VCPKMT: variants seen among roughly 807,000 people sequenced by gnomAD.
VCPKMT encodes protein N-lysine methyltransferase METTL21D.
Under a neutral mutation model 28.6 loss-of-function variants are expected in VCPKMT, and 32 were observed. That is an observed-to-expected ratio of 1.12 (90% CI 0.84 to 1.50). VCPKMT has a LOEUF of 1.50. Among genes scored for constraint, VCPKMT ranks in the 40% most tolerant of loss-of-function variants. VCPKMT has a pLI of 0.00. For synonymous variants in VCPKMT, 138 were observed against 111.4 expected (o/e 1.24, Z -1.50); for missense variants, 366 against 285.0 (o/e 1.28, Z -2.05).
At chr14:50,114,255 T>C (rs1882937525) in intron 4 of VCPKMT, 30 bp downstream of exon 4, 1 of 1,502,786 alleles carries the variant, frequency 6.7e-7, no homozygotes, top group Non-Finnish European at 8.9e-7. Context: ...GGGAAATCAC[T>C]ACAAAGATAA....
downstream of VCPKMT, among the ~76,000 whole-genome samples, chr14:50,107,587 G>A (rs563932184): frequency 1.3e-5 from 2 of 152,258 alleles, no homozygotes; most frequent in South Asian, 4.1e-4. Flanking sequence ...GTGAGCCACC[G>A]CGCGTGGGGC....
chr14:50,115,846 T>A lies in VCPKMT; in HGVS notation c.443A>T (p.Tyr148Phe), dbSNP rs1379698730. 2 of 1,609,814 alleles carry A rather than the reference T, an allele frequency of 1.2e-6. No individual in the cohort carries two copies. Among genetic ancestry groups the A allele is most frequent in the Admixed American group, 3.3e-5 (2 of 59,954 alleles). The stretch of plus-strand genomic sequence containing the variant: ...CGCTCACTGGATACTTACCTCTTCA[T>A]AGTATATGCAGTCGGCCATCAGTAT... ...DFILMADCIY[Y>F]EESLEPLLKT... is the part of the protein sequence containing the mutation. The change falls in exon 3 of 6, where the codon TAT becomes TTT. Residue 148 changes from tyrosine to phenylalanine, a missense_variant. Coordinates refer to ENST00000395860, the MANE Select transcript of VCPKMT (RefSeq NM_024558.3).
At chr14:50,114,437 A>G (rs748847931) in intron 3 of VCPKMT, 33 bp from the exon 4 acceptor site, 2 of 1,392,974 alleles carry the variant, frequency 1.4e-6, no homozygotes, top group South Asian at 3.4e-5. Context: ...TTTGTTTTTG[A>G]TTTAAAAATT....
At chr14:50,111,360 G>T in intron 5 of VCPKMT, 1 of 985,320 alleles carries the variant, frequency 1.0e-6, no homozygotes, top group Non-Finnish European at 1.2e-6. Flanking sequence ...TAATCCCGCT[G>T]CTGCCTTTTT....
chr14:50,108,826 T>G lies in VCPKMT; in HGVS notation c.*873A>C. 1.0e-6 allele frequency: 1 copy of G among 985,486 alleles called. No homozygotes were observed. Among genetic ancestry groups the G allele is most frequent in the Non-Finnish European group, 1.2e-6 (1 of 829,898 alleles). 61.0% of individuals were successfully genotyped at this position (985,486 alleles called of 1,614,324 possible). A position where few individuals can be genotyped will look rare whatever the true frequency, so the allele number is the denominator to read the frequency against. ...ACACAGAACAGAAATTCATTTGGTA[T>G]ATACATATAGAACTACATTTGTAGT... On this transcript the variant is annotated 3_prime_UTR_variant, in exon 6 of 6. Coordinates refer to ENST00000395860, the MANE Select transcript of VCPKMT (RefSeq NM_024558.3).
At chr14:50,113,800 G>GT (rs1274845523) in intron 4 of VCPKMT, among the ~76,000 whole-genome samples, 1 of 88,422 alleles carries the variant, frequency 1.1e-5, no homozygotes, top group Non-Finnish European at 2.5e-5. Context: ...GGGGCGGGGG[G>GT]GGGGGGGGGT....
intron 5 of VCPKMT, among the ~76,000 whole-genome samples, chr14:50,112,395 G>GAAAAA (rs59968443): frequency 2.5e-4 from 3 of 11,998 alleles, no homozygotes; most frequent in Non-Finnish European, 4.2e-4. Flanking sequence ...AAAAATACGA[G>GAAAAA]AAAAAAAAAA....
Position 50,109,715 on chromosome 14 carries a change from T to C in VCPKMT, c.676-2A>G, listed in dbSNP as rs371944851. 20 of 1,599,342 alleles carry C rather than the reference T, an allele frequency of 1.3e-5. No homozygotes were observed. The highest frequency in any genetic ancestry group is 1.7e-5 in the Non-Finnish European group (20 of 1,173,360). ...TTAAAGGCTTCACGATGGAAATTTC[T>C]ATAACAAAAAAAAAGGAAACTTAAA... On this transcript the variant is annotated splice_acceptor_variant, in intron 5 of 5. Transcript: ENST00000395860. LOFTEE classifies it high-confidence loss of function.
downstream of VCPKMT, chr14:50,106,637 A>G: frequency 1.0e-6 from 1 of 985,420 alleles, no homozygotes; most frequent in Non-Finnish European, 1.2e-6. Flanking sequence ...GGGTAAACAC[A>G]AATCCAGCCA....
At chr14:50,112,781 A>T in intron 4 of VCPKMT, 62 bp from the exon 5 acceptor site, 1 of 1,186,082 alleles carries the variant, frequency 8.4e-7, no homozygotes, top group Non-Finnish European at 1.2e-6. Context: ...TGGGTGACAG[A>T]AGTCAGAATG....
rs769570190 is a variant in VCPKMT, at chr14:50,116,140, G to C, written c.306C>G (p.Asp102Glu). The change falls in exon 2 of 6, where the codon GAC (aspartate) becomes GAG (glutamate). Residue 102 changes from aspartate to glutamate, a missense_variant. Coordinates refer to ENST00000395860, the MANE Select transcript of VCPKMT (RefSeq NM_024558.3). ...TCATATTAATATTCATCTTCAGCAA[G>C]TCTTGCAATTCCTCAAGATCGGTGA... ...VVVTDLEELQ[D>E]LLKMNINMNK... 2.5e-6 allele frequency: 4 copies of C among 1,614,134 alleles called. No homozygotes were observed. Among genetic ancestry groups the C allele is most frequent in the Non-Finnish European group, 3.4e-6 (4 of 1,180,038 alleles).
At chr14:50,105,876 C>A (rs1423744095), downstream of VCPKMT, among the ~76,000 whole-genome samples, 1 of 152,152 alleles carries the variant, frequency 6.6e-6, no homozygotes, top group Non-Finnish European at 1.5e-5. Context: ...TGGCCAGATT[C>A]TCTAATTTTC....
Position 50,108,838 on chromosome 14 carries a change from A to G in VCPKMT, c.*861T>C. ...AATTCATTTGGTATATACATATAGAACTACATTTGTAGTTATTCAAAAACC... is the reference window on the plus strand; with the variant it reads ...AATTCATTTGGTATATACATATAGAGCTACATTTGTAGTTATTCAAAAACC... On this transcript the variant is annotated 3_prime_UTR_variant, in exon 6 of 6. Transcript: ENST00000395860. 2 of 985,464 alleles carry G rather than the reference A, an allele frequency of 2.0e-6. No homozygotes were observed. Among genetic ancestry groups the G allele is most frequent in the Non-Finnish European group, 2.4e-6 (2 of 829,918 alleles). 61.0% of individuals were successfully genotyped at this position (985,464 alleles called of 1,614,324 possible).
chr14:50,114,079 G>A (rs573881135), intron 4 of VCPKMT, among the ~76,000 whole-genome samples: 3 of 152,258 alleles, frequency 2.0e-5, no homozygotes, highest in Admixed American at 1.3e-4. Flanking sequence ...TGTAGCCATA[G>A]ATCAACTAAT....
chr14:50,111,441 T>C (rs1365227063), intron 5 of VCPKMT: 26 of 985,324 alleles, frequency 2.6e-5, no homozygotes, highest in Non-Finnish European at 3.0e-5. Context: ...ATTCATATAA[T>C]CAGAAAACTT....
rs530464480 is a variant in VCPKMT at position 50,112,554 on chromosome 14, T to C, written c.675+61A>G. On this transcript the variant is annotated intron_variant, in intron 5 of 5. Coordinates refer to ENST00000395860, the MANE Select transcript of VCPKMT (RefSeq NM_024558.3). Reference sequence around the variant, plus strand: ...CAACGCCCATACCACACATATGCCCTGAAATAGTGTCCAGCTGATGAAACC... The same window carrying C: ...CAACGCCCATACCACACATATGCCCCGAAATAGTGTCCAGCTGATGAAACC... 5,641 of 1,115,592 alleles carry C rather than the reference T, an allele frequency of 5.1e-3. 22 individuals carry two copies. Among genetic ancestry groups the C allele is most frequent in the Non-Finnish European group, 6.3e-3 (4,786 of 760,994 alleles). The allele number at this position is 1,115,592 out of a possible 1,614,324, so 69.1% of individuals were successfully genotyped here. A position where few individuals can be genotyped will look rare whatever the true frequency, so the allele number is the denominator to read the frequency against.
At chr14:50,112,151 A>G (rs768430008) in intron 5 of VCPKMT, 6 of 785,574 alleles carry the variant, frequency 7.6e-6, no homozygotes, top group Non-Finnish European at 9.3e-6. Flanking sequence ...AATCTCACAG[A>G]GATAAAAGAA....
chr14:50,115,063 C>T lies in VCPKMT; in HGVS notation c.451-659G>A, dbSNP rs377280860. Among the ~76,000 whole-genome samples, 12 of 150,400 alleles carry T rather than the reference C, an allele frequency of 8.0e-5. No individual in the cohort carries two copies. In the South Asian group the frequency reaches 1.5e-3, roughly 18 times the overall value. On this transcript the variant is annotated intron_variant, in intron 3 of 5. Coordinates refer to ENST00000395860, the MANE Select transcript of VCPKMT (RefSeq NM_024558.3). ...ATTTAAATAATCAACGATTTCCCTA[C>T]AAAAGTTAAATCTGACCCTAACTTG... is the stretch of plus-strand genomic sequence containing the variant.
At chr14:50,114,262 A>AT in intron 4 of VCPKMT, 23 bp downstream of exon 4, 2 of 1,534,408 alleles carry the variant, frequency 1.3e-6, no homozygotes, top group Non-Finnish European at 1.7e-6. Context: ...CACTACAAAG[A>AT]TAATAGAGTA....
Sources: gnomAD v4.1 joint callset for allele counts (sites outside exome capture counted in the v4.1 genomes callset) on GRCh38, gnomAD v4.1.1 for gene constraint, MANE v1.5 for transcripts, NCBI Gene and HGNC (gene_info 2026-07-23, HGNC 2026-07-21) for gene names.